The following PRR16 variants were observed in gnomAD, a reference collection of about 807,000 sequenced individuals.
PRR16 encodes protein Largen.
A neutral mutation model predicts 18.2 loss-of-function variants in PRR16; 6 were observed. The ratio of observed to expected loss-of-function variants is 0.33; its 90% CI spans 0.18 to 0.65. PRR16 has a LOEUF of 0.65. Among genes scored for constraint, PRR16 ranks in the 30% least tolerant of loss-of-function variants. The pLI is 0.74. For synonymous variants in PRR16, 151 were observed against 147.8 expected, an observed-to-expected ratio of 1.02 and a Z score of -0.16; for missense variants, 412 against 376.6, an observed-to-expected ratio of 1.09 and a Z score of -0.78.
At chr5:120,780,093 C>T in the PRR16 span, among the ~76,000 whole-genome samples, 3 of 151,972 alleles carry the variant, frequency 2.0e-5, no homozygotes, top group African/African-American at 7.3e-5. Context: ...TTGTTGTTTA[C>T]AGAAAGGAAA....
chr5:120,494,020 A>G (rs922644778), intron 1 of PRR16, among the ~76,000 whole-genome samples: 2 of 152,200 alleles, frequency 1.3e-5, no homozygotes, highest in African/African-American at 4.8e-5. Flanking sequence ...TTGTGTGAAT[A>G]TAAATTTTTA....
rs559552024 is a variant in PRR16 at position 120,596,858 on chromosome 5, GA to G, written c.160-89087del. On this transcript the variant is annotated intron_variant, in intron 1 of 1. Transcript: ENST00000407149. Reference sequence around the variant, plus strand: ...TCTGGTTTGTATTATATGTATTTGTGAAAAAAAAATTATGCAACAGTCTTCT... The same window carrying G: ...TCTGGTTTGTATTATATGTATTTGTGAAAAAAAATTATGCAACAGTCTTCT... Among the ~76,000 whole-genome samples, 51 of 149,630 alleles carry G rather than the reference GA, an allele frequency of 3.4e-4. No individual in the cohort carries two copies. The East Asian group carries it at 4.5e-3, about 13-fold the overall frequency.
chr5:120,681,453 T>C (rs1489864193), intron 1 of PRR16, among the ~76,000 whole-genome samples: 1 of 152,164 alleles, frequency 6.6e-6, no homozygotes, highest in Non-Finnish European at 1.5e-5. Flanking sequence ...ACAGACATGT[T>C]CTTTTTCCTA....
chr5:120,673,105 GAAAGA>G (rs961980842), intron 1 of PRR16, among the ~76,000 whole-genome samples: 5 of 152,166 alleles, frequency 3.3e-5, no homozygotes, highest in African/African-American at 1.2e-4. Context: ...TGTTACAAAG[GAAAGA>G]AAAGTAAAAA....
chr5:120,726,573 T>G, the PRR16 span, among the ~76,000 whole-genome samples: 2 of 152,232 alleles, frequency 1.3e-5, no homozygotes, highest in African/African-American at 4.8e-5. Flanking sequence ...ACTATTTTGA[T>G]TCTTACAAAT....
chr5:120,716,794 T>C, the PRR16 span, among the ~76,000 whole-genome samples: 1 of 152,004 alleles, frequency 6.6e-6, no homozygotes, highest in Non-Finnish European at 1.5e-5. Flanking sequence ...ATTGCTCAAG[T>C]CTGGGAGGCG....
chr5:120,650,961 C>G (rs1285079504), intron 1 of PRR16, among the ~76,000 whole-genome samples: 2 of 152,122 alleles, frequency 1.3e-5, no homozygotes, highest in Non-Finnish European at 1.5e-5. Flanking sequence ...AAAAGTGTTC[C>G]TATTTCTCCA....
At chr5:120,767,070 A>T in the PRR16 span, among the ~76,000 whole-genome samples, 1 of 151,990 alleles carries the variant, frequency 6.6e-6, no homozygotes, top group Non-Finnish European at 1.5e-5. Context: ...TACTCCACTT[A>T]CATTTGCTTA....
chr5:120,573,247 T>C (rs1193248428), intron 1 of PRR16, among the ~76,000 whole-genome samples: 2 of 152,200 alleles, frequency 1.3e-5, no homozygotes, highest in Non-Finnish European at 2.9e-5. Flanking sequence ...TTTGTCTCCC[T>C]CTCACACTGT....
In PRR16 at chr5:120,464,378, A is replaced by G; in HGVS notation, c.-109A>G. The G allele has an allele frequency of 7.8e-7, 1 of 1,275,838 alleles. No individual in the cohort carries two copies. The highest frequency in any genetic ancestry group is 1.6e-5 in the South Asian group (1 of 60,932). 79.0% of individuals were successfully genotyped at this position (1,275,838 alleles called of 1,614,324 possible). A position where few individuals can be genotyped will look rare whatever the true frequency, so the allele number is the denominator to read the frequency against. ...CTCGCCGCTGCCCAGGGAGCGCCCAAGATGTGGGGGGACCGGGGCGGCAGC... is the reference window on the plus strand; with the variant it reads ...CTCGCCGCTGCCCAGGGAGCGCCCAGGATGTGGGGGGACCGGGGCGGCAGC... On this transcript the variant is annotated 5_prime_UTR_variant, in exon 1 of 2. Coordinates refer to ENST00000407149, the MANE Select transcript of PRR16 (RefSeq NM_001300783.2).
intron 1 of PRR16, among the ~76,000 whole-genome samples, chr5:120,598,662 A>G (rs1386502987): frequency 6.6e-6 from 1 of 151,788 alleles, no homozygotes; most frequent in Non-Finnish European, 1.5e-5. Context: ...TCCCGTTTAT[A>G]AGGGAGAATA....
At chr5:120,731,954 TG>T in the PRR16 span, among the ~76,000 whole-genome samples, 2 of 152,174 alleles carry the variant, frequency 1.3e-5, no homozygotes, top group Non-Finnish European at 2.9e-5. Context: ...CAAGACAGAC[TG>T]GTGCTGGTAG....
At chr5:120,645,212 A>G (rs1166732555) in intron 1 of PRR16, among the ~76,000 whole-genome samples, 3 of 151,990 alleles carry the variant, frequency 2.0e-5, no homozygotes, top group African/African-American at 7.3e-5. Flanking sequence ...TTCTTTGTCT[A>G]TGTCATCATA....
chr5:120,530,913 T>C (rs150474668), intron 1 of PRR16, among the ~76,000 whole-genome samples: 2 of 152,304 alleles, frequency 1.3e-5, no homozygotes, highest in East Asian at 3.9e-4. Flanking sequence ...TCGAGTAAGA[T>C]AGAATCTTGC....
At chr5:120,512,470 C>A (rs539366030) in intron 1 of PRR16, among the ~76,000 whole-genome samples, 1 of 152,136 alleles carries the variant, frequency 6.6e-6, no homozygotes. Flanking sequence ...TGCTTCTGAC[C>A]GTTATTCCCA....
At chr5:120,557,350 A>G (rs1006753763) in intron 1 of PRR16, among the ~76,000 whole-genome samples, 7 of 152,042 alleles carry the variant, frequency 4.6e-5, no homozygotes, top group African/African-American at 1.7e-4. Context: ...GTATAGCTCT[A>G]AATCTAAATG....
chr5:120,606,507 A>G (rs958935123), intron 1 of PRR16, among the ~76,000 whole-genome samples: 1 of 152,084 alleles, frequency 6.6e-6, no homozygotes, highest in Non-Finnish European at 1.5e-5. Flanking sequence ...TAAACTAGTT[A>G]TGTTTTTCTA....
In PRR16 at chr5:120,634,919, A is replaced by G. The variant is rs564704652; in HGVS notation, c.160-51035A>G. On this transcript the variant is annotated intron_variant, in intron 1 of 1. Transcript: ENST00000407149. ...AAGATCCAAGTAAACTCAATTAGAA[A>G]TGAGAACAGGAGATATTGCAGCAGA... 7.1e-4 allele frequency among the ~76,000 whole-genome samples: 108 copies of G among 152,286 alleles called. 1 individual carries two copies. The highest frequency in any genetic ancestry group is 2.4e-3 in the African/African-American group (101 of 41,576).
chr5:120,621,277 G>C (rs1425512729), intron 1 of PRR16, among the ~76,000 whole-genome samples: 6 of 152,014 alleles, frequency 3.9e-5, no homozygotes, highest in Admixed American at 3.9e-4. Flanking sequence ...ATTCTACATT[G>C]AAAACTTTTG....
Sources: allele counts gnomAD v4.1 joint callset (sites outside exome capture counted in the v4.1 genomes callset), GRCh38; gene constraint gnomAD v4.1.1; transcripts MANE v1.5; gene names NCBI Gene and HGNC (gene_info 2026-07-23, HGNC 2026-07-21).